SLC15A4: variants seen among roughly 807,000 people sequenced by gnomAD.
SLC15A4 encodes the protein hPHT1.
SLC15A4 carries 26 observed loss-of-function variants against 46.1 expected under a neutral mutation model. The ratio of observed to expected loss-of-function variants is 0.56; its 90% confidence interval spans 0.41 to 0.78. SLC15A4 has a LOEUF of 0.78. SLC15A4 is among the 30% of genes least tolerant of loss of function. SLC15A4 has a pLI of 0.00. For synonymous variants in SLC15A4, 370 were observed against 333.4 expected, an observed-to-expected ratio of 1.11 and a Z score of -1.20; for missense variants, 751 against 755.7, an observed-to-expected ratio of 0.99 and a Z score of 0.07.
chr12:128,808,034 A>G (rs897810214), intron 5 of SLC15A4, among the ~76,000 whole-genome samples: 2 of 152,264 alleles, frequency 1.3e-5, no homozygotes, highest in African/African-American at 4.8e-5. Context: ...AGTTGGTTCA[A>G]GAATATCAAC....
At chr12:128,821,330 C>T (rs183248329) in intron 1 of SLC15A4, among the ~76,000 whole-genome samples, 106 of 152,322 alleles carry the variant, frequency 7.0e-4, no homozygotes, top group African/African-American at 2.0e-3. Context: ...AATGTCACCA[C>T]TTCCTACACA....
At chr12:128,818,532 T>C (rs909369360) in intron 1 of SLC15A4, among the ~76,000 whole-genome samples, 2 of 152,242 alleles carry the variant, frequency 1.3e-5, no homozygotes, top group Non-Finnish European at 2.9e-5. Flanking sequence ...CCTCCTGCCA[T>C]GAAGCAGCCG....
Position 128,808,784 on chromosome 12 carries a change from T to C in SLC15A4, c.1258+4A>G, listed in dbSNP as rs200972034. The C allele has an allele frequency of 2.9e-5, 47 of 1,613,940 alleles. No individual in the cohort carries two copies. In the Middle Eastern group the frequency reaches 5.0e-4, roughly 17 times the overall value. On this transcript the variant is annotated splice_donor_region_variant and intron_variant, in intron 5 of 7. Coordinates refer to ENST00000266771, the MANE Select transcript of SLC15A4 (RefSeq NM_145648.4). ...GAGGAGGAACGGAGCAGAATGCCTC[T>C]TACCTGCAGCAAAGGCCGAGCACAT...
At chr12:128,811,051 G>A (rs1955650609) in intron 2 of SLC15A4, among the ~76,000 whole-genome samples, 2 of 152,192 alleles carry the variant, frequency 1.3e-5, no homozygotes, top group Admixed American at 1.3e-4. Flanking sequence ...TCACTTCCTT[G>A]CTCTGGGCCT....
chr12:128,798,635 A>G (rs111475028), intron 7 of SLC15A4, among the ~76,000 whole-genome samples: 23 of 152,330 alleles, frequency 1.5e-4, no homozygotes, highest in African/African-American at 5.5e-4. Context: ...AAGGAAAAGA[A>G]AGAAGAAACC....
intron 7 of SLC15A4, 107 bp downstream of exon 7, chr12:128,799,152 G>T: frequency 1.6e-6 from 2 of 1,256,190 alleles, no homozygotes; most frequent in Non-Finnish European, 2.3e-6. Context: ...GGCAGCTCGG[G>T]ACAGGCCATC....
At position 128,815,072 on chromosome 12, in the gene SLC15A4, T is replaced by TA. The variant is rs1315491465; in HGVS notation, c.547-3dup. On this transcript the variant is annotated splice_region_variant and splice_polypyrimidine_tract_variant and intron_variant, in intron 1 of 7. Coordinates refer to ENST00000266771, the MANE Select transcript of SLC15A4 (RefSeq NM_145648.4). ...GGCTTCCGGACCTCGATCTTTAACC[T>TA]AAAATAACAGGGAGGAAAGACACTT... 1 of 1,604,202 alleles carries TA rather than the reference T, an allele frequency of 6.2e-7. No individual in the cohort carries two copies. The highest frequency in any genetic ancestry group is 1.3e-5 in the African/African-American group (1 of 74,636).
At position 128,823,777 on chromosome 12, in the gene SLC15A4, G is replaced by C. The variant is rs751800780; in HGVS notation, c.167C>G (p.Ser56Cys). The change falls in exon 1 of 8, where the codon TCC (serine) becomes TGC (cysteine). Residue 56 changes from serine to cysteine, a missense_variant. Physicochemically the swap from Ser to Cys is moderately radical, Grantham distance 112 (BLOSUM62 -1). Transcript: ENST00000266771. ...LERAAFYGIT[S>C]NLVLFLNGAP... is the part of the protein sequence containing the mutation. ...CCCGTTCAGGAATAGCACCAGGTTG[G>C]ACGTGATGCCGTAGAAAGCGGCGCG... 13 of 1,522,592 alleles carry C rather than the reference G, an allele frequency of 8.5e-6. No homozygotes were observed. Among genetic ancestry groups the C allele is most frequent in the Non-Finnish European group, 1.1e-5 (13 of 1,142,606 alleles). 94.3% of individuals were successfully genotyped at this position (1,522,592 alleles called of 1,614,324 possible).
In SLC15A4 at chr12:128,810,097, A is replaced by C. The variant is rs1314494829; in HGVS notation, c.857T>G (p.Val286Gly). ...ERQSNGEGIG[V>G]FQQSSKQSLF... ...ACTTTGTTTAGAAGATTGCTGAAAG[A>C]CTCCAATGCCTTCACTTTGGGAAAT... The change falls in exon 3 of 8, where the codon GTC (valine) becomes GGC (glycine). Residue 286 changes from valine (V) to glycine (G), a missense_variant. Val to Gly is a moderately radical substitution (Grantham distance 109, BLOSUM62 -3). Transcript: ENST00000266771. The C allele has an allele frequency of 6.2e-7, 1 of 1,612,256 alleles. No individual in the cohort carries two copies. The highest frequency in any genetic ancestry group is 8.5e-7 in the Non-Finnish European group (1 of 1,179,460).
intron 1 of SLC15A4, 60 bp from the exon 2 acceptor site, chr12:128,815,130 C>A (rs2306683): frequency 4.7e-6 from 7 of 1,492,934 alleles, no homozygotes; most frequent in East Asian, 2.3e-5. Flanking sequence ...GGATGAAAAC[C>A]ATATACGGTC....
At chr12:128,809,779 C>G (rs1206054353) in intron 3 of SLC15A4, 164 bp downstream of exon 3, 1 of 634,830 alleles carries the variant, frequency 1.6e-6, no homozygotes, top group African/African-American at 1.9e-5. Context: ...ATAGTTAAAG[C>G]AGCCAAAATG....
intron 1 of SLC15A4, among the ~76,000 whole-genome samples, chr12:128,821,219 C>G (rs916826420): frequency 1.8e-4 from 28 of 152,188 alleles, no homozygotes. Flanking sequence ...CCTGCCAGTA[C>G]TTCCTGCCCA....
chr12:128,814,274 C>CGTATGATGGACCTGACCGCT (rs1593013952), intron 2 of SLC15A4: 10 of 130,428 alleles, frequency 7.7e-5, no homozygotes, highest in Middle Eastern at 6.8e-4. Flanking sequence ...ACCTGACCGC[C>CGTATGATGGACCTGACCGCT]GTATGATGGA....
intron 5 of SLC15A4, among the ~76,000 whole-genome samples, chr12:128,805,422 T>C (rs1955572770): frequency 6.6e-6 from 1 of 152,156 alleles, no homozygotes; most frequent in South Asian, 2.1e-4. Context: ...TAAAATCCCA[T>C]ATATGAGGAA....
chr12:128,818,917 A>C (rs904621887), intron 1 of SLC15A4, among the ~76,000 whole-genome samples: 8 of 152,196 alleles, frequency 5.3e-5, no homozygotes, highest in African/African-American at 1.9e-4. Context: ...TTCAAGGCTC[A>C]TCAGTACTTC....
chr12:128,807,432 C>T (rs1240561098), intron 5 of SLC15A4, among the ~76,000 whole-genome samples: 3 of 152,226 alleles, frequency 2.0e-5, no homozygotes, highest in Non-Finnish European at 4.4e-5. Flanking sequence ...AAACCAAGGA[C>T]GTCTCCTTTC....
chr12:128,802,735 A>G (rs917904460), intron 5 of SLC15A4, among the ~76,000 whole-genome samples: 1 of 152,230 alleles, frequency 6.6e-6, no homozygotes, highest in Admixed American at 6.5e-5. Context: ...AAGACTAAGG[A>G]TGAAAAAGGT....
rs1015824086 is a variant in SLC15A4 at position 128,812,158 on chromosome 12, C to T, written c.843-2047G>A. Among the ~76,000 whole-genome samples, 6 of 152,208 alleles carry T rather than the reference C, an allele frequency of 3.9e-5. No homozygotes were observed. In the East Asian group the frequency reaches 5.8e-4, roughly 15 times the overall value. ...TCTGGTCTGATGAGTTGAACAAATA[C>T]GCCTTCATTTCTCATTTAATATCAA... On this transcript the variant is annotated intron_variant, in intron 2 of 7. Transcript: ENST00000266771.
rs1422879816 is a variant in SLC15A4 at position 128,799,304 on chromosome 12, C to T, written c.1528G>A (p.Val510Met). 6.2e-7 allele frequency: 1 copy of T among 1,614,034 alleles called. No homozygotes were observed. Among genetic ancestry groups the T allele is most frequent in the African/African-American group, 1.3e-5 (1 of 74,914 alleles). Reference protein sequence around the residue: ...SFVGSGLLALVSIKAIGWMSS... With the variant: ...SFVGSGLLALMSIKAIGWMSS... The stretch of plus-strand genomic sequence containing the variant: ...ATCCATCCGATGGCTTTGATAGACA[C>T]CAGTGCCAGCAGTCCAGAACCCACG... The change falls in exon 7 of 8, where the codon GTG becomes ATG. Residue 510 changes from valine to methionine, a missense_variant. Transcript: ENST00000266771.
Sources: allele counts gnomAD v4.1 joint callset (sites outside exome capture counted in the v4.1 genomes callset), GRCh38; gene constraint gnomAD v4.1.1; transcripts MANE v1.5; gene names NCBI Gene and HGNC (gene_info 2026-07-23, HGNC 2026-07-21).